Variants in EYS observed in about 807,000 individuals in gnomAD.
The protein encoded by EYS is EGF-like photoreceptor maintenance factor, also known as protein eyes shut homolog.
Under a neutral mutation model 282.1 loss-of-function variants are expected in EYS, and 250 were observed. The ratio of observed to expected loss-of-function variants is 0.89; its 90% CI spans 0.80 to 0.98. The LOEUF is 0.98. Ranked by LOEUF, EYS falls within the 50% of genes least tolerant of loss-of-function variation. The probability of loss-of-function intolerance (pLI) is 0.00; values close to 1 mark genes in which losing one functional copy is unlikely to be tolerated. For synonymous variants in EYS, 1,355 were observed against 1,282.9 expected (o/e 1.06, Z -1.20); for missense variants, 4,016 against 3,709.0 (o/e 1.08, Z -2.15).
At chr6:64,363,031 C>T (rs1227809880) in intron 29 of EYS, among the ~76,000 whole-genome samples, 1 of 144,544 alleles carries the variant, frequency 6.9e-6, no homozygotes, top group Admixed American at 7.1e-5. Context: ...GTGATCATGG[C>T]TCACTACTGC....
chr6:65,706,813 A>C (rs1769895896), intron 1 of EYS, among the ~76,000 whole-genome samples: 2 of 152,182 alleles, frequency 1.3e-5, no homozygotes, highest in Non-Finnish European at 2.9e-5. Context: ...AAAAATCGAA[A>C]GCAATCATAA....
chr6:63,804,137 C>T (rs1311658432), intron 37 of EYS, among the ~76,000 whole-genome samples: 1 of 152,154 alleles, frequency 6.6e-6, no homozygotes, highest in Non-Finnish European at 1.5e-5. Flanking sequence ...ATGCCTCAGC[C>T]TCCCAAGTAG....
intron 1 of EYS, among the ~76,000 whole-genome samples, chr6:65,704,246 T>C (rs79523120): frequency 0.012 from 1,783 of 152,340 alleles, 14 homozygotes; most frequent in Non-Finnish European, 0.015. Flanking sequence ...TTACATACAA[T>C]AGTTTATGTA....
chr6:64,643,149 C>A (rs1053860677), intron 22 of EYS, among the ~76,000 whole-genome samples: 1 of 148,136 alleles, frequency 6.8e-6, no homozygotes, highest in East Asian at 2.1e-4. Context: ...GAAGAAAAGA[C>A]GACTTTTCAA....
intron 4 of EYS, among the ~76,000 whole-genome samples, chr6:65,491,906 T>C (rs1230567842): frequency 6.6e-6 from 1 of 152,078 alleles, no homozygotes; most frequent in Non-Finnish European, 1.5e-5. Flanking sequence ...GAGGAGAACA[T>C]TTACACACAG....
At chr6:64,222,949 A>C (rs560595619) in intron 31 of EYS, among the ~76,000 whole-genome samples, 1 of 152,014 alleles carries the variant, frequency 6.6e-6, no homozygotes, top group South Asian at 2.1e-4. Context: ...TCCTTTTAAA[A>C]AAAACTCATA....
chr6:65,643,440 T>G (rs1767347507), intron 1 of EYS, among the ~76,000 whole-genome samples: 1 of 152,096 alleles, frequency 6.6e-6, no homozygotes, highest in Admixed American at 6.5e-5. Context: ...CGGTGGTCTT[T>G]CTCTAACCAG....
chr6:64,934,831 G>A (rs895091400), intron 15 of EYS, among the ~76,000 whole-genome samples: 1 of 151,714 alleles, frequency 6.6e-6, no homozygotes, highest in African/African-American at 2.4e-5. Flanking sequence ...AAAATCATGA[G>A]ATCCAGTAAT....
At position 64,535,921 on chromosome 6, in the gene EYS, C is replaced by T. The variant is rs537512445; in HGVS notation, c.5644+54302G>A. On this transcript the variant is annotated intron_variant, in intron 26 of 42. Transcript: ENST00000503581. ...ACATTGATATAAAATATCATCTTAA[C>T]CTTAGATTAAGACTTGCATTATTAT... 2.0e-5 allele frequency among the ~76,000 whole-genome samples: 3 copies of T among 151,910 alleles called. No homozygotes were observed. The South Asian group carries it at 6.2e-4, about 32-fold the overall frequency.
intron 22 of EYS, among the ~76,000 whole-genome samples, chr6:64,634,037 G>A (rs1157988661): frequency 6.6e-6 from 1 of 152,158 alleles, no homozygotes; most frequent in Non-Finnish European, 1.5e-5. Context: ...AGGCTGGAGA[G>A]CAGTGGTGTG....
At chr6:65,025,504 G>T (rs1201480405) in intron 13 of EYS, among the ~76,000 whole-genome samples, 1 of 152,144 alleles carries the variant, frequency 6.6e-6, no homozygotes, top group Admixed American at 6.5e-5. Context: ...TATTCAAGCA[G>T]TAAAAAGATT....
At chr6:65,128,773 C>T (rs1775787634) in intron 12 of EYS, among the ~76,000 whole-genome samples, 1 of 151,922 alleles carries the variant, frequency 6.6e-6, no homozygotes, top group Admixed American at 6.6e-5. Context: ...TTATTTCTAC[C>T]ATACTAACAA....
intron 29 of EYS, among the ~76,000 whole-genome samples, chr6:64,312,339 C>T (rs1446496026): frequency 6.6e-6 from 1 of 152,160 alleles, no homozygotes; most frequent in African/African-American, 2.4e-5. Context: ...GATTCCTCCT[C>T]TCTGGGCAGG....
intron 26 of EYS, among the ~76,000 whole-genome samples, chr6:64,514,549 T>C (rs1289997154): frequency 6.6e-6 from 1 of 151,898 alleles, no homozygotes; most frequent in African/African-American, 2.4e-5. Context: ...TGAGAAATTA[T>C]TAATAGCAAC....
intron 31 of EYS, among the ~76,000 whole-genome samples, chr6:64,119,794 G>C (rs914374714): frequency 6.6e-6 from 1 of 152,192 alleles, no homozygotes; most frequent in Admixed American, 6.5e-5. Context: ...AAATCACAGA[G>C]GTGTGTGAAG....
chr6:64,136,645 G>A (rs528762156), intron 31 of EYS, among the ~76,000 whole-genome samples: 13 of 152,088 alleles, frequency 8.5e-5, no homozygotes, highest in Non-Finnish European at 1.8e-4. Context: ...GCTCTTGGAT[G>A]ACCAGACACA....
chr6:65,116,798 T>C (rs1177832468), intron 12 of EYS, among the ~76,000 whole-genome samples: 3 of 152,190 alleles, frequency 2.0e-5, no homozygotes, highest in Non-Finnish European at 4.4e-5. Context: ...GTGACTTAAG[T>C]TGTTATACAA....
intron 5 of EYS, among the ~76,000 whole-genome samples, chr6:65,472,813 GT>G (rs1172282437): frequency 6.6e-6 from 1 of 151,586 alleles, no homozygotes; most frequent in Non-Finnish European, 1.5e-5. Context: ...TCCTAGGTTG[GT>G]TCTTGTAAAT....
At chr6:65,319,970 C>G (rs1395586635) in intron 11 of EYS, among the ~76,000 whole-genome samples, 3 of 151,844 alleles carry the variant, frequency 2.0e-5, no homozygotes, top group Non-Finnish European at 4.4e-5. Flanking sequence ...TTCCCCAACT[C>G]CCCTACTCTT....
Sources: allele counts gnomAD v4.1 joint callset (sites outside exome capture counted in the v4.1 genomes callset), GRCh38; gene constraint gnomAD v4.1.1; transcripts MANE v1.5; gene names NCBI Gene and HGNC (gene_info 2026-07-23, HGNC 2026-07-21).